EYS: variants seen among roughly 807,000 people sequenced by gnomAD.
EYS encodes the protein EGF-like photoreceptor maintenance factor.
Under a neutral mutation model 282.1 loss-of-function variants are expected in EYS, and 250 were observed. The ratio of observed to expected loss-of-function variants is 0.89; its 90% CI spans 0.80 to 0.98. The LOEUF (loss-of-function observed/expected upper bound fraction) is 0.98, where lower values mean the gene tolerates loss of function less well. EYS is among the 50% of genes least tolerant of loss of function. The probability of loss-of-function intolerance (pLI) is 0.00; values close to 1 mark genes in which losing one functional copy is unlikely to be tolerated. For synonymous variants in EYS, 1,355 were observed against 1,282.9 expected, an observed-to-expected ratio of 1.06 and a Z score of -1.20; for missense variants, 4,016 against 3,709.0, an observed-to-expected ratio of 1.08 and a Z score of -2.15.
chr6:64,657,726 T>C (rs1175907389), intron 22 of EYS, among the ~76,000 whole-genome samples: 2 of 152,208 alleles, frequency 1.3e-5, no homozygotes, highest in African/African-American at 4.8e-5. Context: ...AGAGATCAGC[T>C]GTTAGTCTGA....
chr6:64,253,857 T>C (rs957842415), intron 30 of EYS, among the ~76,000 whole-genome samples: 4 of 152,118 alleles, frequency 2.6e-5, no homozygotes, highest in African/African-American at 7.2e-5. Context: ...TCTGATGTGA[T>C]GGGTATAGGG....
At chr6:65,545,536 A>G (rs1404480324) in intron 2 of EYS, among the ~76,000 whole-genome samples, 1 of 152,206 alleles carries the variant, frequency 6.6e-6, no homozygotes. Context: ...AAGTGGGATC[A>G]AAGAGTATAT....
chr6:65,419,284 TA>T (rs1362683125), intron 5 of EYS, among the ~76,000 whole-genome samples: 3 of 151,928 alleles, frequency 2.0e-5, no homozygotes, highest in African/African-American at 4.8e-5. Flanking sequence ...TTAAGAATAT[TA>T]AAATAGAAAT....
At chr6:65,270,951 C>CTTA (rs1767882580) in intron 12 of EYS, among the ~76,000 whole-genome samples, 1 of 151,348 alleles carries the variant, frequency 6.6e-6, no homozygotes, top group African/African-American at 2.4e-5. Context: ...CCAGAATTGT[C>CTTA]TTTAAAAGTC....
At chr6:64,992,408 C>A (rs1342504605) in intron 14 of EYS, among the ~76,000 whole-genome samples, 1 of 151,266 alleles carries the variant, frequency 6.6e-6, no homozygotes, top group Non-Finnish European at 1.5e-5. Context: ...GTTGTTTAAT[C>A]TAATAAAAAT....
chr6:64,560,937 C>T (rs1172736000), intron 26 of EYS, among the ~76,000 whole-genome samples: 6 of 152,012 alleles, frequency 3.9e-5, no homozygotes, highest in Non-Finnish European at 8.8e-5. Flanking sequence ...ATGCAAGTAT[C>T]CTTAAAAAAT....
intron 28 of EYS, among the ~76,000 whole-genome samples, chr6:64,393,064 T>C (rs1773214153): frequency 6.6e-6 from 1 of 152,076 alleles, no homozygotes; most frequent in East Asian, 1.9e-4. Flanking sequence ...ACATACACTC[T>C]CCCAAGACTA....
intron 30 of EYS, among the ~76,000 whole-genome samples, chr6:64,243,828 G>A (rs540099444): frequency 6.6e-6 from 1 of 152,138 alleles, no homozygotes; most frequent in Non-Finnish European, 1.5e-5. Context: ...TTTAATGAGA[G>A]AAGTTTTTAC....
chr6:64,075,618 A>G (rs1771742868), intron 32 of EYS, among the ~76,000 whole-genome samples: 1 of 151,930 alleles, frequency 6.6e-6, no homozygotes. Context: ...ATTTGTTGCT[A>G]GGATGAACAT....
chr6:64,159,557 C>CT (rs1775037946), intron 31 of EYS, among the ~76,000 whole-genome samples: 2 of 55,724 alleles, frequency 3.6e-5, no homozygotes, highest in South Asian at 8.3e-4. Flanking sequence ...GAGACTCTGT[C>CT]TTAAAAAAAA....
At chr6:65,200,921 T>TA (rs1353130379) in intron 12 of EYS, among the ~76,000 whole-genome samples, 1 of 152,094 alleles carries the variant, frequency 6.6e-6, no homozygotes, top group African/African-American at 2.4e-5. Context: ...AAAATGAGAA[T>TA]AAAAATGTAT....
chr6:64,628,055 G>A (rs1459525527), intron 22 of EYS, among the ~76,000 whole-genome samples: 13 of 152,118 alleles, frequency 8.5e-5, no homozygotes, highest in Admixed American at 7.9e-4. Flanking sequence ...ACTCCAGCCC[G>A]GGCGACAGTG....
At chr6:64,275,573 C>T (rs1421994211) in intron 30 of EYS, among the ~76,000 whole-genome samples, 1 of 151,534 alleles carries the variant, frequency 6.6e-6, no homozygotes, top group Non-Finnish European at 1.5e-5. Flanking sequence ...CCTGCCACCA[C>T]GCCCGGCTAA....
At chr6:64,264,417 A>G (rs1261785170) in intron 30 of EYS, among the ~76,000 whole-genome samples, 2 of 152,114 alleles carry the variant, frequency 1.3e-5, no homozygotes, top group Non-Finnish European at 2.9e-5. Context: ...CTGTTCCACA[A>G]GTTATCTCTG....
intron 35 of EYS, among the ~76,000 whole-genome samples, chr6:63,890,827 A>C (rs1773388180): frequency 6.6e-6 from 1 of 152,162 alleles, no homozygotes; most frequent in African/African-American, 2.4e-5. Flanking sequence ...TGAAAACATT[A>C]ACAAAATAGA....
intron 5 of EYS, among the ~76,000 whole-genome samples, chr6:65,410,640 T>C (rs1483744140): frequency 6.7e-6 from 1 of 149,676 alleles, no homozygotes; most frequent in Non-Finnish European, 1.5e-5. Flanking sequence ...AGTGAGATCA[T>C]GAAGTTTTTG....
intron 12 of EYS, among the ~76,000 whole-genome samples, chr6:65,122,514 A>T (rs1775588380): frequency 6.6e-6 from 1 of 152,116 alleles, no homozygotes; most frequent in Admixed American, 6.5e-5. Flanking sequence ...CAGCAAAACA[A>T]GTAACTATCT....
At chr6:64,519,779 A>T (rs1777673554) in intron 26 of EYS, among the ~76,000 whole-genome samples, 1 of 151,846 alleles carries the variant, frequency 6.6e-6, no homozygotes, top group Non-Finnish European at 1.5e-5. Context: ...ACTATGGAAG[A>T]GGGATAGTGT....
At chr6:63,948,655 T>C (rs1005456794) in intron 35 of EYS, among the ~76,000 whole-genome samples, 5 of 152,050 alleles carry the variant, frequency 3.3e-5, no homozygotes, top group Admixed American at 6.6e-5. Context: ...CTGAACCAAT[T>C]TTTTTTTCTA....
Sources: allele counts gnomAD v4.1 joint callset (sites outside exome capture counted in the v4.1 genomes callset), GRCh38; gene constraint gnomAD v4.1.1; transcripts MANE v1.5; gene names NCBI Gene and HGNC (gene_info 2026-07-23, HGNC 2026-07-21).